The following TIPARP variants were observed in gnomAD, a reference collection of about 807,000 sequenced individuals.
The protein encoded by TIPARP is protein mono-ADP-ribosyltransferase TIPARP.
TIPARP carries 12 observed loss-of-function variants against 56.5 expected under a neutral mutation model. The observed-to-expected ratio is 0.21, with a 90% CI of 0.14 to 0.34. The LOEUF is 0.34. Ranked by LOEUF, TIPARP falls within the 10% of genes least tolerant of loss-of-function variation. The probability of loss-of-function intolerance (pLI) is 1.00; values close to 1 mark genes in which losing one functional copy is unlikely to be tolerated. For synonymous variants in TIPARP, 296 were observed against 265.7 expected (o/e 1.11, Z -1.11); for missense variants, 604 against 781.6 (o/e 0.77, Z 2.71).
At chr3:156,691,977 A>G (rs1238393115) in intron 2 of TIPARP, among the ~76,000 whole-genome samples, 1 of 152,182 alleles carries the variant, frequency 6.6e-6, no homozygotes, top group Non-Finnish European at 1.5e-5. Flanking sequence ...TTATCTATGA[A>G]GTCTCAGTAA....
chr3:156,674,950 A>G (rs1382521284), intron 1 of TIPARP, 154 bp downstream of exon 1: 2 of 152,256 alleles, frequency 1.3e-5, no homozygotes, highest in Non-Finnish European at 2.9e-5. Flanking sequence ...TGCCCTTTGT[A>G]CCGAATTCAC....
At chr3:156,699,924 TAG>T (rs2108497256) in intron 4 of TIPARP, among the ~76,000 whole-genome samples, 1 of 152,172 alleles carries the variant, frequency 6.6e-6, no homozygotes, top group South Asian at 2.1e-4. Flanking sequence ...CTATCTACCC[TAG>T]AGTGTGGGGC....
At chr3:156,703,873 C>T (rs558109912) in intron 5 of TIPARP, among the ~76,000 whole-genome samples, 171 bp downstream of exon 5, 15 of 152,068 alleles carry the variant, frequency 9.9e-5, no homozygotes, top group South Asian at 8.3e-4. Flanking sequence ...ATTAGCTGGG[C>T]GTGGTGGCGG....
Position 156,701,324 on chromosome 3 carries a change from G to A in TIPARP, c.1248-2100G>A, listed in dbSNP as rs545970209. Reference sequence around the variant, plus strand: ...TAGTAGTGATATCAGAAAGAAAAGGGGCAGAATCTCTTCTGTTGTCACGGC... The same window carrying A: ...TAGTAGTGATATCAGAAAGAAAAGGAGCAGAATCTCTTCTGTTGTCACGGC... On this transcript the variant is annotated intron_variant, in intron 4 of 5. Transcript: ENST00000295924. 4.6e-5 allele frequency among the ~76,000 whole-genome samples: 7 copies of A among 152,270 alleles called. No homozygotes were observed. In the South Asian group the frequency reaches 1.2e-3, roughly 27 times the overall value.
chr3:156,703,431 G>A lies in TIPARP; in HGVS notation c.1255G>A (p.Gly419Ser). ...FILLPYLQTL[G>S]GVPTQAPPPL... is the part of the protein sequence containing the mutation. ...TCTTCCTCTCCATTTTAGGACACTT[G>A]GTGGGGTTCCCACACAAGCTCCTCC... is the stretch of plus-strand genomic sequence containing the variant. Residue 419 changes from glycine (G) to serine (S), a missense_variant, in exon 5 of 6, where the codon GGT (glycine) becomes AGT (serine). This residue lies in a region of TIPARP where 252 missense variants were observed against 303.9 expected (regional missense o/e 0.83). Transcript: ENST00000295924. The A allele has an allele frequency of 1.2e-6, 2 of 1,613,904 alleles. No individual in the cohort carries two copies. The highest frequency in any genetic ancestry group is 1.7e-6 in the Non-Finnish European group (2 of 1,179,960).
intron 4 of TIPARP, among the ~76,000 whole-genome samples, chr3:156,700,578 A>C (rs571458433): frequency 6.6e-6 from 1 of 152,306 alleles, no homozygotes; most frequent in South Asian, 2.1e-4. Flanking sequence ...CTGCTTTTTA[A>C]TGGGGCTGAT....
chr3:156,697,808 A>AGT (rs1312532424), intron 4 of TIPARP, among the ~76,000 whole-genome samples: 1 of 152,198 alleles, frequency 6.6e-6, no homozygotes, highest in African/African-American at 2.4e-5. Flanking sequence ...AAGACGGCAG[A>AGT]GTGTTCAAGT....
chr3:156,704,012 C>CA (rs11452301), intron 5 of TIPARP, among the ~76,000 whole-genome samples: 112,060 of 122,178 alleles, frequency 0.92, 51,331 homozygotes, highest in Middle Eastern at 0.97. Flanking sequence ...GACTCCGTCT[C>CA]AAAAAAAAAA....
intron 2 of TIPARP, among the ~76,000 whole-genome samples, chr3:156,680,888 A>G (rs1025676592): frequency 2.0e-5 from 3 of 152,192 alleles, no homozygotes; most frequent in African/African-American, 4.8e-5. Context: ...AAGTATTATA[A>G]TTACCATTGC....
chr3:156,697,309 T>C (rs1297037720), intron 4 of TIPARP, among the ~76,000 whole-genome samples: 1 of 152,088 alleles, frequency 6.6e-6, no homozygotes, highest in Admixed American at 6.6e-5. Flanking sequence ...TCAAGCAAGA[T>C]AGAACTTCTG....
intron 2 of TIPARP, among the ~76,000 whole-genome samples, chr3:156,684,421 G>A (rs1429651690): frequency 1.3e-5 from 2 of 152,162 alleles, no homozygotes; most frequent in Admixed American, 6.5e-5. Flanking sequence ...ATTTCTAGGA[G>A]CAAACAAGCC....
chr3:156,678,259 A>G lies in TIPARP; in HGVS notation c.562A>G (p.Ile188Val). 6.2e-7 allele frequency: 1 copy of G among 1,614,134 alleles called. No homozygotes were observed. Among genetic ancestry groups the G allele is most frequent in the Non-Finnish European group, 8.5e-7 (1 of 1,180,032 alleles). ...CAAAGTCATAGATTATGTTCCAGGC[A>G]TTTTCCAAGAAAACAGTTTTACAAT... ...LDKVIDYVPGIFQENSFTIQY... is the reference protein window; with the variant it reads ...LDKVIDYVPGVFQENSFTIQY... Residue 188 changes from isoleucine to valine, a missense_variant, in exon 2 of 6, where the codon ATT becomes GTT. Transcript: ENST00000295924.
intron 2 of TIPARP, among the ~76,000 whole-genome samples, chr3:156,687,640 T>C (rs1722463988): frequency 6.6e-6 from 1 of 151,786 alleles, no homozygotes; most frequent in Admixed American, 6.6e-5. Flanking sequence ...ATAAACTGTG[T>C]TATGTTTGTT....
chr3:156,685,302 T>G (rs1276588145), intron 2 of TIPARP, among the ~76,000 whole-genome samples: 1 of 152,230 alleles, frequency 6.6e-6, no homozygotes, highest in Non-Finnish European at 1.5e-5. Context: ...TCTATGCTGT[T>G]TACTTACTGG....
Position 156,674,674 on chromosome 3 carries a change from CGGCTCGCCGCGTCG to C in TIPARP, c.-163_-150del. The C allele has an allele frequency of 6.6e-6, 1 of 152,526 alleles. No homozygotes were observed. The highest frequency in any genetic ancestry group is 2.4e-5 in the African/African-American group (1 of 41,462). The allele number at this position is 152,526 out of a possible 1,614,324, so 9.4% of individuals were successfully genotyped here. The stretch of plus-strand genomic sequence containing the variant: ...TCGCGGCGGCGGAATGGCCCGTGCG[CGGCTCGCCGCGTCG>C]CGGCTCTGTGGTCCCTAGACGTCGG... On this transcript the variant is annotated 5_prime_UTR_variant, in exon 1 of 6. The change abolishes the stop of an existing upstream ORF in the 5' untranslated region. Transcript: ENST00000295924.
chr3:156,705,449 T>G lies in TIPARP; in HGVS notation c.*318T>G, dbSNP rs749702732. On this transcript the variant is annotated 3_prime_UTR_variant, in exon 6 of 6. Coordinates refer to ENST00000295924, the MANE Select transcript of TIPARP (RefSeq NM_015508.5). ...CATTAAATTAAAAAACTGAACAGCC[T>G]AATTTAAATGTGGCTTGGGCCTGGT... The G allele has an allele frequency of 1.1e-5, 2 of 181,034 alleles. No homozygotes were observed. Among genetic ancestry groups the G allele is most frequent in the Non-Finnish European group, 2.3e-5 (2 of 85,822 alleles). 11.2% of individuals were successfully genotyped at this position (181,034 alleles called of 1,614,324 possible).
At chr3:156,678,646 G>A in intron 2 of TIPARP, 32 bp downstream of exon 2, 1 of 1,573,932 alleles carries the variant, frequency 6.4e-7, no homozygotes, top group Non-Finnish European at 8.6e-7. Context: ...TAGAACTGTT[G>A]TTAAATGCTA....
At position 156,678,067 on chromosome 3, in the gene TIPARP, GC is replaced by G; in HGVS notation, c.373del (p.His125IlefsTer54). 1 of 1,614,068 alleles carries G rather than the reference GC, an allele frequency of 6.2e-7. No individual in the cohort carries two copies. The highest frequency in any genetic ancestry group is 1.1e-5 in the South Asian group (1 of 91,084). ...RTNVGDQIPE[A>X]HPSTEAPERV... ...AAATGTTGGGGACCAGATACCGGAA[GC>G]CCATCCTTCCACTGAAGCTCCAGAA... is the stretch of plus-strand genomic sequence containing the variant. On this transcript the variant is annotated frameshift_variant, in exon 2 of 6. Transcript: ENST00000295924. LOFTEE classifies it high-confidence loss of function.
At position 156,705,123 on chromosome 3, in the gene TIPARP, T is replaced by G; in HGVS notation, c.1966T>G (p.Ser656Ala). The change falls in exon 6 of 6, where the codon TCC (serine) becomes GCC (alanine). Residue 656 changes from serine (S) to alanine (A), a missense_variant. Ser to Ala is a moderately conservative substitution (Grantham distance 99). Transcript: ENST00000295924. ...IQYEEVSNTV[S>A]I is the part of the protein sequence containing the mutation. Reference sequence around the variant, plus strand: ...ATATGAAGAAGTCAGTAACACTGTTTCCATTTGAAAAATCTTGGTACTGCT... The same window carrying G: ...ATATGAAGAAGTCAGTAACACTGTTGCCATTTGAAAAATCTTGGTACTGCT... 1 of 1,472,792 alleles carries G rather than the reference T, an allele frequency of 6.8e-7. No homozygotes were observed. Among genetic ancestry groups the G allele is most frequent in the Non-Finnish European group, 9.1e-7 (1 of 1,098,168 alleles). 91.2% of individuals were successfully genotyped at this position (1,472,792 alleles called of 1,614,324 possible).
Sources: gnomAD v4.1 joint callset for allele counts (sites outside exome capture counted in the v4.1 genomes callset) on GRCh38, gnomAD v4.1.1 for gene constraint, gnomAD v4.1.1 regional missense constraint, MANE v1.5 for transcripts, NCBI Gene and HGNC (gene_info 2026-07-23, HGNC 2026-07-21) for gene names.